Variants in FNDC3A observed in about 807,000 individuals in gnomAD.
FNDC3A encodes fibronectin type III domain containing 3A.
A neutral mutation model predicts 148.9 loss-of-function variants in FNDC3A; 32 were observed. The ratio of observed to expected loss-of-function variants is 0.21; its 90% CI spans 0.16 to 0.29. The LOEUF is 0.29. Ranked by LOEUF, FNDC3A falls within the 10% of genes least tolerant of loss-of-function variation. The probability of loss-of-function intolerance (pLI) is 1.00; values close to 1 mark genes in which losing one functional copy is unlikely to be tolerated. For synonymous variants in FNDC3A, 472 were observed against 473.6 expected (o/e 1.00, Z 0.04); for missense variants, 1,191 against 1,452.8 (o/e 0.82, Z 2.93).
At chr13:48,979,841 C>G (rs77677464) in intron 1 of FNDC3A, among the ~76,000 whole-genome samples, 288 of 152,122 alleles carry the variant, frequency 1.9e-3, no homozygotes, top group African/African-American at 6.7e-3. Flanking sequence ...TTTTTATAAT[C>G]TTTTAAAAAC....
At chr13:49,181,071 A>AC (rs1450273021) in intron 14 of FNDC3A, among the ~76,000 whole-genome samples, 1 of 152,076 alleles carries the variant, frequency 6.6e-6, no homozygotes, top group Non-Finnish European at 1.5e-5. Flanking sequence ...GCAGAGCAAG[A>AC]CCCCATCTCT....
chr13:48,983,651 A>G (rs1217303447), intron 1 of FNDC3A, among the ~76,000 whole-genome samples: 2 of 152,238 alleles, frequency 1.3e-5, no homozygotes, highest in Non-Finnish European at 2.9e-5. Context: ...GACAAATAAA[A>G]GGCACTTAGT....
intron 13 of FNDC3A, among the ~76,000 whole-genome samples, chr13:49,176,141 C>T (rs1259580740): frequency 6.6e-6 from 1 of 152,130 alleles, no homozygotes; most frequent in Non-Finnish European, 1.5e-5. Flanking sequence ...GCATATTGGC[C>T]TGAAATTTTC....
At chr13:49,150,166 T>A (rs1413476258) in intron 8 of FNDC3A, among the ~76,000 whole-genome samples, 3 of 152,204 alleles carry the variant, frequency 2.0e-5, no homozygotes, top group African/African-American at 7.2e-5. Context: ...CTCAAACTCC[T>A]GGGCTCAAGT....
intron 3 of FNDC3A, among the ~76,000 whole-genome samples, chr13:49,104,870 C>T (rs1880074285): frequency 3.3e-5 from 5 of 152,140 alleles, no homozygotes; most frequent in Admixed American, 2.6e-4. Context: ...AGAGTATCTT[C>T]ATGACTACAG....
chr13:49,177,130 G>T (rs1885070171), intron 13 of FNDC3A, among the ~76,000 whole-genome samples: 1 of 152,132 alleles, frequency 6.6e-6, no homozygotes, highest in African/African-American at 2.4e-5. Flanking sequence ...GATGTGAAGG[G>T]GGTTTTGTTT....
At chr13:49,040,280 T>C (rs941277227) in intron 2 of FNDC3A, among the ~76,000 whole-genome samples, 5 of 152,228 alleles carry the variant, frequency 3.3e-5, no homozygotes, top group Admixed American at 1.3e-4. Context: ...TTTATCTCTG[T>C]TTAAGATGCT....
intron 1 of FNDC3A, among the ~76,000 whole-genome samples, chr13:48,982,010 T>TA (rs1476507816): frequency 1.3e-5 from 2 of 152,152 alleles, no homozygotes; most frequent in Non-Finnish European, 1.5e-5. Flanking sequence ...AAAAAAATCT[T>TA]ACTTCTCTAG....
chr13:49,131,639 T>C (rs74423421), intron 5 of FNDC3A, among the ~76,000 whole-genome samples: 6,761 of 152,234 alleles, frequency 0.044, 203 homozygotes, highest in Non-Finnish European at 0.067. Flanking sequence ...AGAGGTCTTT[T>C]CCTCTGGCCT....
Position 49,156,475 on chromosome 13 carries a change from A to G in FNDC3A, c.977+10540A>G, listed in dbSNP as rs1416632209. 2.3e-4 allele frequency among the ~76,000 whole-genome samples: 34 copies of G among 150,822 alleles called. No homozygotes were observed. The South Asian group carries it at 2.8e-3, about 12-fold the overall frequency. On this transcript the variant is annotated intron_variant, in intron 8 of 25. Coordinates refer to ENST00000492622, the MANE Select transcript of FNDC3A (RefSeq NM_001079673.2). ...CTGATGGGTCTTGACTCTTTATCCA[A>G]TTTGCCAGTCTGTGCCTTTTAATTG...
At chr13:49,019,566 C>G (rs1466151369) in intron 2 of FNDC3A, among the ~76,000 whole-genome samples, 1 of 152,226 alleles carries the variant, frequency 6.6e-6, no homozygotes, top group Non-Finnish European at 1.5e-5. Flanking sequence ...CCATCTTCTG[C>G]GTCGCTCTCT....
intron 8 of FNDC3A, among the ~76,000 whole-genome samples, chr13:49,153,481 T>C (rs1242273630): frequency 6.6e-6 from 1 of 152,222 alleles, no homozygotes; most frequent in Non-Finnish European, 1.5e-5. Flanking sequence ...CTGTTCACTC[T>C]GATGGTAGTT....
chr13:49,138,787 C>A lies in FNDC3A; in HGVS notation c.801C>A (p.Ser267=). The A allele has an allele frequency of 6.7e-7, 1 of 1,501,138 alleles. No individual in the cohort carries two copies. Among genetic ancestry groups the A allele is most frequent in the Non-Finnish European group, 9.1e-7 (1 of 1,094,772 alleles). 93.0% of individuals were successfully genotyped at this position (1,501,138 alleles called of 1,614,324 possible). Reference sequence around the variant, plus strand: ...CTAAAGCATTTGAAGCACTTCTTTCCAACATTGTCAAACCAGTGGTAAGTA... The same window carrying A: ...CTAAAGCATTTGAAGCACTTCTTTCAAACATTGTCAAACCAGTGGTAAGTA... ...EETKAFEALL[S]NIVKPVASDI... is the part of the protein sequence containing the mutation. The change falls in exon 7 of 26, where the codon TCC becomes TCA. Residue 267 remains serine (S), a synonymous_variant. Transcript: ENST00000492622.
chr13:49,159,636 C>G (rs1295902251), intron 8 of FNDC3A, among the ~76,000 whole-genome samples: 2 of 152,154 alleles, frequency 1.3e-5, no homozygotes, highest in African/African-American at 2.4e-5. Flanking sequence ...ATTGCCCTGG[C>G]CAGAACTTCC....
intron 3 of FNDC3A, among the ~76,000 whole-genome samples, chr13:49,078,753 G>A (rs1382543797): frequency 6.6e-6 from 1 of 152,148 alleles, no homozygotes; most frequent in Admixed American, 6.6e-5. Context: ...CCCCTTCGTG[G>A]ACTAGCTCTG....
chr13:49,000,725 T>A (rs1408005389), intron 1 of FNDC3A, among the ~76,000 whole-genome samples: 7 of 152,198 alleles, frequency 4.6e-5, no homozygotes, highest in Non-Finnish European at 1.0e-4. Flanking sequence ...TTTCTGCATT[T>A]ATTTGTGTTT....
At chr13:49,016,557 T>C (rs1872799125) in intron 2 of FNDC3A, among the ~76,000 whole-genome samples, 1 of 152,200 alleles carries the variant, frequency 6.6e-6, no homozygotes, top group East Asian at 1.9e-4. Flanking sequence ...AACCAGCTCC[T>C]GGATTCATTA....
intron 3 of FNDC3A, among the ~76,000 whole-genome samples, chr13:49,081,090 T>C (rs1350509387): frequency 6.6e-6 from 1 of 152,202 alleles, no homozygotes; most frequent in Non-Finnish European, 1.5e-5. Flanking sequence ...AGTAGATGTG[T>C]TATAGCCAAC....
At chr13:49,180,569 T>G (rs1196025154) in intron 14 of FNDC3A, among the ~76,000 whole-genome samples, 1 of 152,206 alleles carries the variant, frequency 6.6e-6, no homozygotes, top group Non-Finnish European at 1.5e-5. Context: ...AATGAAGCAT[T>G]CCAACAGGTC....
Sources: allele counts gnomAD v4.1 joint callset (sites outside exome capture counted in the v4.1 genomes callset), GRCh38; gene constraint gnomAD v4.1.1; transcripts MANE v1.5; gene names NCBI Gene and HGNC (gene_info 2026-07-23, HGNC 2026-07-21).